The following ZNF346 variants were observed in gnomAD, a reference collection of about 807,000 sequenced individuals.
ZNF346 encodes the protein double-stranded RNA-binding zinc finger protein JAZ.
Under a neutral mutation model 33.7 loss-of-function variants are expected in ZNF346, and 23 were observed. That is an observed-to-expected ratio of 0.68 (90% CI 0.49 to 0.97). The LOEUF (loss-of-function observed/expected upper bound fraction) is 0.97. Ranked by LOEUF, ZNF346 falls within the 50% of genes least tolerant of loss-of-function variation. ZNF346 has a pLI of 0.00. For synonymous variants in ZNF346, 134 were observed against 142.4 expected, an observed-to-expected ratio of 0.94 and a Z score of 0.42; for missense variants, 340 against 371.1, an observed-to-expected ratio of 0.92 and a Z score of 0.69.
intron 3 of ZNF346, chr5:177,042,122 C>A: frequency 5.4e-6 from 2 of 373,428 alleles, no homozygotes; most frequent in East Asian, 4.4e-5. Flanking sequence ...CAGAGCCTGG[C>A]ACATAGTAGG....
chr5:177,079,150 T>C (rs1282131200), intron 8 of ZNF346, among the ~76,000 whole-genome samples: 2 of 151,892 alleles, frequency 1.3e-5, no homozygotes, highest in Non-Finnish European at 2.9e-5. Context: ...CTTACACCTG[T>C]AATCCCAGCT....
chr5:177,058,300 C>T lies in ZNF346; in HGVS notation c.704-3758C>T, dbSNP rs1034842841. On this transcript the variant is annotated intron_variant, in intron 5 of 6. Transcript: ENST00000358149. ...GACCAGCCTCAACATGGAGAAACCC[C>T]GTGTCTACTAAAAATACAAAATTAG... Among the ~76,000 whole-genome samples, 5 of 151,456 alleles carry T rather than the reference C, an allele frequency of 3.3e-5. No individual in the cohort carries two copies. The East Asian group carries it at 5.9e-4, about 18-fold the overall frequency.
In ZNF346 at chr5:177,053,317, C is replaced by CAAA. The variant is rs754883910; in HGVS notation, c.703+2400_703+2402dup. Reference sequence around the variant, plus strand: ...GCAAAAGAGCAGCAAGACTTCATCTCAAAAAAAAAAAAAAAAAAAAACAGG... The same window carrying CAAA: ...GCAAAAGAGCAGCAAGACTTCATCTCAAAAAAAAAAAAAAAAAAAAAAAACAGG... On this transcript the variant is annotated intron_variant, in intron 5 of 6. Transcript: ENST00000358149. Among the ~76,000 whole-genome samples, 84 of 87,064 alleles carry CAAA rather than the reference C, an allele frequency of 9.6e-4. 1 individual carries two copies. Among genetic ancestry groups the CAAA allele is most frequent in the African/African-American group, 2.2e-3 (52 of 23,428 alleles). The allele number at this position is 87,064 out of a possible 152,430, so 57.1% of individuals were successfully genotyped here. A position where few individuals can be genotyped will look rare whatever the true frequency, so the allele number is the denominator to read the frequency against.
chr5:177,035,771 G>A (rs1373154856), intron 1 of ZNF346, among the ~76,000 whole-genome samples: 1 of 28,658 alleles, frequency 3.5e-5, no homozygotes, highest in African/African-American at 2.5e-4. Flanking sequence ...AAGTAGCTGG[G>A]ACACAGGCAC....
chr5:177,042,682 T>C (rs1004702382), intron 3 of ZNF346, among the ~76,000 whole-genome samples: 3 of 152,022 alleles, frequency 2.0e-5, no homozygotes, highest in Non-Finnish European at 4.4e-5. Flanking sequence ...CATCCCCTGG[T>C]TTCCCTTATT....
intron 3 of ZNF346, chr5:177,042,296 T>A (rs926111228): frequency 1.9e-5 from 3 of 155,130 alleles, no homozygotes; most frequent in African/African-American, 4.8e-5. Context: ...AGGAACACCT[T>A]TCCAAATGTC....
At chr5:177,028,621 G>A (rs1457435644) in intron 1 of ZNF346, among the ~76,000 whole-genome samples, 2 of 142,254 alleles carry the variant, frequency 1.4e-5, no homozygotes, top group African/African-American at 5.2e-5. Context: ...TTGGCCTTTT[G>A]TCCTTGCTTC....
At chr5:177,044,624 A>G in intron 4 of ZNF346, 91 bp downstream of exon 4, 1 of 1,390,458 alleles carries the variant, frequency 7.2e-7, no homozygotes, top group Non-Finnish European at 9.9e-7. Flanking sequence ...CACTGAGGCC[A>G]CAGACTTGAA....
chr5:177,062,565 C>A (rs1782680278), intron 6 of ZNF346, among the ~76,000 whole-genome samples: 1 of 151,790 alleles, frequency 6.6e-6, no homozygotes, highest in Admixed American at 6.6e-5. Flanking sequence ...TGAGCATCTT[C>A]TGAATGATGG....
chr5:177,038,876 TTGTGTGTGTGTGTGTGTGTG>T (rs56812954), intron 1 of ZNF346, among the ~76,000 whole-genome samples: 2 of 135,452 alleles, frequency 1.5e-5, no homozygotes, highest in African/African-American at 5.6e-5. Flanking sequence ...CTTCTTCTTC[TTGTGTGTGTGTGTGTGTGTG>T]TGTGTGTGTG....
intron 5 of ZNF346, among the ~76,000 whole-genome samples, chr5:177,059,325 C>T (rs1782171440): frequency 1.3e-5 from 2 of 152,130 alleles, no homozygotes; most frequent in African/African-American, 4.8e-5. Context: ...ACATTGAAAC[C>T]CAATGTAGTT....
At chr5:177,044,622 CCA>C (rs1779796056) in intron 4 of ZNF346, 89 bp downstream of exon 4, 1 of 1,401,404 alleles carries the variant, frequency 7.1e-7, no homozygotes, top group South Asian at 1.3e-5. Context: ...CTCACTGAGG[CCA>C]CAGACTTGAA....
rs539044128 is a variant in ZNF346, at chr5:177,067,263, AT to A, written c.*2667del. ...GTCTCTAAAAATAATAATTTTTAAA[AT>A]TTAAAAAAAGAAAGGAATGTTATGG... On this transcript the variant is annotated 3_prime_UTR_variant, in exon 7 of 7. Transcript: ENST00000358149. Among the ~76,000 whole-genome samples the A allele has an allele frequency of 8.1e-4, 123 of 152,146 alleles. No individual in the cohort carries two copies. The highest frequency in any genetic ancestry group is 1.6e-3 in the Non-Finnish European group (111 of 68,028).
chr5:177,076,237 C>A (rs1022020206), intron 8 of ZNF346, among the ~76,000 whole-genome samples: 1 of 152,226 alleles, frequency 6.6e-6, no homozygotes, highest in Admixed American at 6.5e-5. Context: ...TGAGGGAAAC[C>A]AGCTAACGTG....
intron 8 of ZNF346, among the ~76,000 whole-genome samples, chr5:177,078,745 T>C (rs1156411695): frequency 3.3e-5 from 5 of 149,684 alleles, no homozygotes; most frequent in Non-Finnish European, 5.9e-5. Context: ...TACCCGTCTC[T>C]ACTAAAAACA....
chr5:177,076,095 G>A (rs567855508), intron 8 of ZNF346, among the ~76,000 whole-genome samples: 14 of 151,682 alleles, frequency 9.2e-5, no homozygotes, highest in Non-Finnish European at 1.5e-4. Flanking sequence ...GATTATAGGC[G>A]TGAGCCACTG....
intron 1 of ZNF346, among the ~76,000 whole-genome samples, chr5:177,039,919 G>A (rs1190064198): frequency 6.6e-6 from 1 of 151,692 alleles, no homozygotes; most frequent in Admixed American, 6.6e-5. Context: ...GGTGGCTCAC[G>A]CCTGTAATCC....
chr5:177,050,716 C>T, intron 4 of ZNF346, 35 bp from the exon 5 acceptor site: 1 of 1,613,950 alleles, frequency 6.2e-7, no homozygotes. Context: ...TGTCAAAACG[C>T]CTTACAAATC....
At chr5:177,057,804 A>ATTTC (rs1377566681) in intron 5 of ZNF346, among the ~76,000 whole-genome samples, 4 of 107,528 alleles carry the variant, frequency 3.7e-5, no homozygotes, top group Non-Finnish European at 8.1e-5. Flanking sequence ...TTTCTTATTT[A>ATTTC]TTTATTTATT....
Sources: allele counts gnomAD v4.1 joint callset (sites outside exome capture counted in the v4.1 genomes callset), GRCh38; gene constraint gnomAD v4.1.1; transcripts MANE v1.5; gene names NCBI Gene and HGNC (gene_info 2026-07-23, HGNC 2026-07-21).